DTWD2: variants seen among roughly 807,000 people sequenced by gnomAD.
DTWD2 encodes tRNA-uridine aminocarboxypropyltransferase 2.
DTWD2 carries 39 observed loss-of-function variants against 31.8 expected under a neutral mutation model. The ratio of observed to expected loss-of-function variants is 1.22; its 90% CI spans 0.95 to 1.60. The LOEUF is 1.60. Ranked by LOEUF, DTWD2 falls within the 40% of genes most tolerant of loss-of-function variation. The pLI, the probability that DTWD2 is intolerant of heterozygous loss-of-function variation, is 0.00. For missense variants in DTWD2, 515 were observed against 381.5 expected, an observed-to-expected ratio of 1.35 and a Z score of -2.92; for synonymous variants, 180 against 142.8, an observed-to-expected ratio of 1.26 and a Z score of -1.86.
chr5:118,931,288 G>A (rs933065993), intron 3 of DTWD2, among the ~76,000 whole-genome samples: 6 of 151,734 alleles, frequency 4.0e-5, no homozygotes, highest in South Asian at 2.1e-4. Context: ...CCAGCTACTC[G>A]GGAAGCGGAG....
intron 4 of DTWD2, among the ~76,000 whole-genome samples, chr5:118,880,598 T>C (rs1752719733): frequency 6.6e-6 from 1 of 152,194 alleles, no homozygotes; most frequent in Non-Finnish European, 1.5e-5. Context: ...CTGGAAAATA[T>C]ATACTAAAAT....
chr5:118,899,799 CTT>C lies in DTWD2; in HGVS notation c.597+28736_597+28737del, dbSNP rs1163738328. ...TCATATAAGTCATACTTCGTTTTTT[CTT>C]TTTTTTTTTTTTTTTTTTGAGACGG... is the stretch of plus-strand genomic sequence containing the variant. On this transcript the variant is annotated intron_variant, in intron 4 of 5. Transcript: ENST00000510708. 5.9e-3 allele frequency among the ~76,000 whole-genome samples: 732 copies of C among 124,928 alleles called. 3 individuals carry two copies. Among genetic ancestry groups the C allele is most frequent in the African/African-American group, 0.021 (697 of 32,550 alleles). 82.0% of individuals were successfully genotyped at this position (124,928 alleles called of 152,430 possible). A position where few individuals can be genotyped will look rare whatever the true frequency, so the allele number is the denominator to read the frequency against.
At position 118,836,283 on chromosome 5, in the gene DTWD2, C is replaced by T. The variant is rs575020769; in HGVS notation, c.*4634G>A. Among the ~76,000 whole-genome samples the T allele has an allele frequency of 1.3e-5, 2 of 152,018 alleles. No homozygotes were observed. The highest frequency in any genetic ancestry group is 4.8e-5 in the African/African-American group (2 of 41,364). ...TGAGACACTGTCTCACTCTGTCGCC[C>T]AGGCTAGAGTGCAGTGGTACATCTC... On this transcript the variant is annotated 3_prime_UTR_variant, in exon 6 of 6. Transcript: ENST00000510708.
intron 4 of DTWD2, among the ~76,000 whole-genome samples, chr5:118,902,175 T>C (rs1042880226): frequency 6.6e-6 from 1 of 152,154 alleles, no homozygotes; most frequent in African/African-American, 2.4e-5. Flanking sequence ...ACTGATGAAG[T>C]ACTGAATAGT....
chr5:118,889,898 C>T (rs187641786), intron 4 of DTWD2, among the ~76,000 whole-genome samples: 6 of 152,204 alleles, frequency 3.9e-5, no homozygotes, highest in Admixed American at 6.5e-5. Flanking sequence ...GCTTCAAAAA[C>T]GTATGCATCA....
intron 3 of DTWD2, 87 bp downstream of exon 3, chr5:118,939,109 T>A (rs1008754744): frequency 1.7e-5 from 22 of 1,305,854 alleles, no homozygotes; most frequent in Admixed American, 1.4e-4. Context: ...AGACCATGAA[T>A]AAGCTGAAAG....
At chr5:118,844,788 A>C (rs1440576073) in intron 5 of DTWD2, among the ~76,000 whole-genome samples, 1 of 152,226 alleles carries the variant, frequency 6.6e-6, no homozygotes, top group African/African-American at 2.4e-5. Context: ...ATTCTGTGCC[A>C]AGTTCTTTAT....
rs758151410 is a variant in DTWD2, at chr5:118,984,777, A to G, written c.218+3517T>C. 1.3e-4 allele frequency among the ~76,000 whole-genome samples: 20 copies of G among 152,284 alleles called. 1 individual carries two copies. Among genetic ancestry groups the G allele is most frequent in the Middle Eastern group, 3.4e-3 (1 of 294 alleles). The stretch of plus-strand genomic sequence containing the variant: ...CATTATTCCATTATTCCTATGACCA[A>G]TGATTTGCAAGTGGTTTATGACTCA... On this transcript the variant is annotated intron_variant, in intron 1 of 5. Transcript: ENST00000510708.
At chr5:118,863,819 T>C (rs1209067207) in intron 4 of DTWD2, among the ~76,000 whole-genome samples, 1 of 152,100 alleles carries the variant, frequency 6.6e-6, no homozygotes, top group Non-Finnish European at 1.5e-5. Context: ...GTATATATAA[T>C]AGTTCCTGTG....
At chr5:118,846,920 G>GCACACACACACACACACA (rs144531960) in intron 5 of DTWD2, among the ~76,000 whole-genome samples, 1 of 134,870 alleles carries the variant, frequency 7.4e-6, no homozygotes, top group Non-Finnish European at 1.6e-5. Context: ...AAACACACAG[G>GCACACACACACACACACA]CACACACACA....
chr5:118,961,914 T>C (rs1234983072), intron 1 of DTWD2, among the ~76,000 whole-genome samples: 4 of 152,206 alleles, frequency 2.6e-5, no homozygotes, highest in Non-Finnish European at 5.9e-5. Context: ...CATATAATAG[T>C]GCTATGAATA....
chr5:118,944,060 A>G lies in DTWD2; in HGVS notation c.309+499T>C, dbSNP rs144028686. 1.0e-3 allele frequency among the ~76,000 whole-genome samples: 153 copies of G among 152,364 alleles called. 4 individuals carry two copies. The East Asian group carries it at 0.027, about 27-fold the overall frequency. On this transcript the variant is annotated intron_variant, in intron 2 of 5. Transcript: ENST00000510708. ...CACATATGTATTTTACCTGCACAAG[A>G]AAGTATTAATTTTAAAATCTTTACA...
chr5:118,849,705 G>A (rs185506906), intron 4 of DTWD2, among the ~76,000 whole-genome samples: 44 of 152,284 alleles, frequency 2.9e-4, no homozygotes, highest in Non-Finnish European at 6.3e-4. Flanking sequence ...CATAAAAAAG[G>A]ATGAGTTCAA....
intron 4 of DTWD2, among the ~76,000 whole-genome samples, chr5:118,900,477 C>G (rs1160517447): frequency 6.6e-6 from 1 of 152,064 alleles, no homozygotes; most frequent in Non-Finnish European, 1.5e-5. Flanking sequence ...AAAGTTGTGG[C>G]AGTGAGCTAA....
chr5:118,862,753 T>C (rs1752291060), intron 4 of DTWD2, among the ~76,000 whole-genome samples: 1 of 152,126 alleles, frequency 6.6e-6, no homozygotes, highest in African/African-American at 2.4e-5. Flanking sequence ...TCAGAGAAGG[T>C]GGGGCTAGCC....
At chr5:118,968,513 G>A (rs1422821719) in intron 1 of DTWD2, among the ~76,000 whole-genome samples, 1 of 152,156 alleles carries the variant, frequency 6.6e-6, no homozygotes, top group Non-Finnish European at 1.5e-5. Context: ...AGGGTGGGGA[G>A]ACGGCCCCTT....
intron 4 of DTWD2, among the ~76,000 whole-genome samples, chr5:118,904,364 T>C (rs1753279984): frequency 1.3e-5 from 2 of 152,162 alleles, no homozygotes; most frequent in African/African-American, 4.8e-5. Context: ...ATTATCATAC[T>C]TATATACTGG....
At chr5:118,866,188 A>G (rs548098151) in intron 4 of DTWD2, among the ~76,000 whole-genome samples, 1 of 152,310 alleles carries the variant, frequency 6.6e-6, no homozygotes, top group South Asian at 2.1e-4. Context: ...CTTAAAATTA[A>G]TTAGTTGTTT....
intron 4 of DTWD2, among the ~76,000 whole-genome samples, chr5:118,919,752 G>GT (rs1254301965): frequency 6.6e-6 from 1 of 152,006 alleles, no homozygotes; most frequent in East Asian, 1.9e-4. Context: ...TATCATTCCT[G>GT]TTTTTTTCCT....
Sources: allele counts gnomAD v4.1 joint callset (sites outside exome capture counted in the v4.1 genomes callset), GRCh38; gene constraint gnomAD v4.1.1; transcripts MANE v1.5; gene names NCBI Gene and HGNC (gene_info 2026-07-23, HGNC 2026-07-21).